Variants in ARHGAP42 observed in about 807,000 individuals in gnomAD.
ARHGAP42 encodes the protein rho GTPase-activating protein 42.
ARHGAP42 carries 63 observed loss-of-function variants against 125.0 expected under a neutral mutation model. The ratio of observed to expected loss-of-function variants is 0.50; its 90% CI spans 0.41 to 0.62. ARHGAP42 has a LOEUF of 0.62. Among genes scored for constraint, ARHGAP42 ranks in the 20% least tolerant of loss-of-function variants. ARHGAP42 has a pLI of 0.00. For missense variants in ARHGAP42, 766 were observed against 1,024.2 expected, an observed-to-expected ratio of 0.75 and a Z score of 3.44; for synonymous variants, 339 against 351.0, an observed-to-expected ratio of 0.97 and a Z score of 0.38.
At chr11:100,875,101 CTCTCTCTGTGTGTGTGTGTGTGTGTG>C (rs1422722311) in intron 4 of ARHGAP42, among the ~76,000 whole-genome samples, 3 of 93,486 alleles carry the variant, frequency 3.2e-5, no homozygotes, top group East Asian at 4.0e-4. Context: ...CTCTCTCTCT[CTCTCTCTGTGTGTGTGTGTGTGTGTG>C]TGTGTGTGTG....
intron 5 of ARHGAP42, among the ~76,000 whole-genome samples, chr11:100,914,927 C>CT (rs1192468571): frequency 1.3e-5 from 2 of 151,736 alleles, no homozygotes; most frequent in African/African-American, 2.4e-5. Context: ...CATCTGATGC[C>CT]TTTTTTTTCC....
chr11:100,898,694 T>C (rs1866430888), intron 4 of ARHGAP42, among the ~76,000 whole-genome samples: 1 of 149,978 alleles, frequency 6.7e-6, no homozygotes, highest in African/African-American at 2.4e-5. Context: ...GATATCCTCT[T>C]TATCATTTTT....
chr11:100,904,467 G>C (rs1310101536), intron 4 of ARHGAP42, among the ~76,000 whole-genome samples: 1 of 151,940 alleles, frequency 6.6e-6, no homozygotes, highest in Non-Finnish European at 1.5e-5. Context: ...GGCTGGTCTC[G>C]AACTCCTGAC....
At chr11:100,721,583 C>G (rs1190554094) in intron 1 of ARHGAP42, among the ~76,000 whole-genome samples, 4 of 151,764 alleles carry the variant, frequency 2.6e-5, no homozygotes, top group South Asian at 2.1e-4. Flanking sequence ...AGCAATTCTT[C>G]TGCCTCAGCC....
At chr11:100,815,234 C>T (rs989711456) in intron 3 of ARHGAP42, among the ~76,000 whole-genome samples, 2 of 152,182 alleles carry the variant, frequency 1.3e-5, no homozygotes, top group Non-Finnish European at 2.9e-5. Context: ...GGTTCCTTTT[C>T]CATTAGCCTT....
intron 1 of ARHGAP42, among the ~76,000 whole-genome samples, chr11:100,730,397 T>C (rs1471097283): frequency 6.6e-6 from 1 of 152,182 alleles, no homozygotes; most frequent in Non-Finnish European, 1.5e-5. Context: ...GTATGAATGC[T>C]CTGGGTGTGT....
At chr11:100,687,969 G>T (rs924323611) in intron 1 of ARHGAP42, 137 bp downstream of exon 1, 6 of 987,334 alleles carry the variant, frequency 6.1e-6, no homozygotes, top group African/African-American at 5.0e-5. Flanking sequence ...GAGCTCCCCT[G>T]CTGGTGGCCA....
chr11:100,754,045 A>G (rs764553290), intron 1 of ARHGAP42, among the ~76,000 whole-genome samples: 18 of 152,256 alleles, frequency 1.2e-4, no homozygotes, highest in Non-Finnish European at 2.2e-4. Context: ...TATTTTGGCC[A>G]CATGGCCCCA....
intron 3 of ARHGAP42, among the ~76,000 whole-genome samples, chr11:100,842,126 A>G (rs190316210): frequency 2.0e-3 from 299 of 152,276 alleles, no homozygotes; most frequent in African/African-American, 6.8e-3. Context: ...TCATTTGTGA[A>G]CAATTTTAAG....
rs377468034 is a variant in ARHGAP42, at chr11:100,734,088, G to T, written c.155-36255G>T. 1.2e-4 allele frequency among the ~76,000 whole-genome samples: 18 copies of T among 146,046 alleles called. No individual in the cohort carries two copies. The East Asian group carries it at 1.7e-3, about 14-fold the overall frequency. ...TAGCTGGGATTACAGGCACCCACCAGCATGCCCAGCTAATTTTTGTATTTT... is the reference window on the plus strand; with the variant it reads ...TAGCTGGGATTACAGGCACCCACCATCATGCCCAGCTAATTTTTGTATTTT... On this transcript the variant is annotated intron_variant, in intron 1 of 23. Coordinates refer to ENST00000298815, the MANE Select transcript of ARHGAP42 (RefSeq NM_152432.4).
intron 4 of ARHGAP42, among the ~76,000 whole-genome samples, chr11:100,885,893 A>G (rs750364065): frequency 6.6e-6 from 1 of 152,208 alleles, no homozygotes; most frequent in Non-Finnish European, 1.5e-5. Context: ...GATTTTCACA[A>G]AAAGAACTAA....
chr11:100,893,519 T>G (rs1439765164), intron 4 of ARHGAP42, among the ~76,000 whole-genome samples: 1 of 152,234 alleles, frequency 6.6e-6, no homozygotes, highest in South Asian at 2.1e-4. Context: ...GAGGCGAAAC[T>G]TAAAATCACA....
chr11:100,835,060 A>G (rs901276483), intron 3 of ARHGAP42, among the ~76,000 whole-genome samples: 4 of 152,004 alleles, frequency 2.6e-5, no homozygotes, highest in Non-Finnish European at 4.4e-5. Flanking sequence ...TTTTCCTATA[A>G]ACTCTGAAAT....
In ARHGAP42 at chr11:100,928,995, C is replaced by T. The variant is rs541922218; in HGVS notation, c.598-4161C>T. On this transcript the variant is annotated intron_variant, in intron 6 of 23. Transcript: ENST00000298815. ...AACATTTTATTGTATGGATAGACCACATTTTGCTTATCCAAATATTAGTTG... is the reference window on the plus strand; with the variant it reads ...AACATTTTATTGTATGGATAGACCATATTTTGCTTATCCAAATATTAGTTG... Among the ~76,000 whole-genome samples, 10 of 152,292 alleles carry T rather than the reference C, an allele frequency of 6.6e-5. No individual in the cohort carries two copies. The South Asian group carries it at 1.7e-3, about 25-fold the overall frequency.
intron 2 of ARHGAP42, among the ~76,000 whole-genome samples, chr11:100,790,617 T>G (rs573044426): frequency 6.6e-6 from 1 of 152,304 alleles, no homozygotes; most frequent in Admixed American, 6.5e-5. Context: ...TTCATAATAT[T>G]TCATGAATCC....
chr11:100,856,231 G>A lies in ARHGAP42; in HGVS notation c.313-3323G>A, dbSNP rs746475885. On this transcript the variant is annotated intron_variant, in intron 3 of 23. Transcript: ENST00000298815. ...TAACTTTGCAAGGTTTGTCACCATC[G>A]TTGTACTCTAATTCACATTTTAAAT... Among the ~76,000 whole-genome samples the A allele has an allele frequency of 2.6e-4, 40 of 152,010 alleles. 1 individual carries two copies. The highest frequency in any genetic ancestry group is 2.2e-4 in the Non-Finnish European group (15 of 67,970).
chr11:100,929,375 G>A (rs1456534357), intron 6 of ARHGAP42, among the ~76,000 whole-genome samples: 2 of 152,150 alleles, frequency 1.3e-5, no homozygotes, highest in East Asian at 3.9e-4. Context: ...GCAGCCCAGG[G>A]ATTGGGGACC....
chr11:100,930,049 A>C (rs762865789), intron 6 of ARHGAP42, among the ~76,000 whole-genome samples: 6 of 152,242 alleles, frequency 3.9e-5, no homozygotes, highest in Non-Finnish European at 8.8e-5. Context: ...ATAAAGTGCT[A>C]TATGAGATTT....
chr11:100,862,788 T>G (rs1865474294), intron 4 of ARHGAP42, among the ~76,000 whole-genome samples: 1 of 152,190 alleles, frequency 6.6e-6, no homozygotes, highest in African/African-American at 2.4e-5. Flanking sequence ...CCTAGCACTT[T>G]CGGAGGCTGA....
Sources: gnomAD v4.1 joint callset for allele counts (sites outside exome capture counted in the v4.1 genomes callset) on GRCh38, gnomAD v4.1.1 for gene constraint, MANE v1.5 for transcripts, NCBI Gene and HGNC (gene_info 2026-07-23, HGNC 2026-07-21) for gene names.